Variants in KANK1 observed in about 807,000 individuals in gnomAD.
KANK1 encodes KN motif and ankyrin repeat domain-containing protein 1.
In KANK1, 109 loss-of-function variants were observed where a neutral mutation model predicts 106.2. That is an observed-to-expected ratio of 1.03 (90% CI 0.88 to 1.20). The LOEUF (loss-of-function observed/expected upper bound fraction) is 1.20, where lower values mean the gene tolerates loss of function less well. Ranked by LOEUF, KANK1 falls within the 50% of genes most tolerant of loss-of-function variation. KANK1 has a pLI of 0.00. For synonymous variants in KANK1, 873 were observed against 652.2 expected (o/e 1.34, Z -5.16); for missense variants, 2,399 against 1,710.7 (o/e 1.40, Z -7.10).
At chr9:579,912 G>A (rs755871996) in intron 1 of KANK1, among the ~76,000 whole-genome samples, 18 of 152,268 alleles carry the variant, frequency 1.2e-4, no homozygotes, top group Admixed American at 3.3e-4. Context: ...TTTCTAATAT[G>A]ACTCCACCCC....
At chr9:555,619 C>G (rs952751257) in intron 1 of KANK1, among the ~76,000 whole-genome samples, 2 of 152,170 alleles carry the variant, frequency 1.3e-5, no homozygotes, top group African/African-American at 4.8e-5. Flanking sequence ...GCTGAAATAA[C>G]TGTAAAAGCG....
intron 1 of KANK1, among the ~76,000 whole-genome samples, chr9:533,754 G>A (rs2060170373): frequency 6.6e-6 from 1 of 152,180 alleles, no homozygotes; most frequent in Non-Finnish European, 1.5e-5. Flanking sequence ...AAGGTCATGG[G>A]AGCTTTGAAC....
intron 1 of KANK1, among the ~76,000 whole-genome samples, chr9:641,840 A>G (rs947389134): frequency 1.3e-5 from 2 of 152,234 alleles, no homozygotes; most frequent in Admixed American, 6.5e-5. Context: ...TTCACAAACC[A>G]TGCAGTCCAC....
At chr9:649,002 G>C (rs1202232956) in intron 1 of KANK1, among the ~76,000 whole-genome samples, 2 of 152,144 alleles carry the variant, frequency 1.3e-5, no homozygotes, top group East Asian at 1.9e-4. Context: ...TTTATACTAA[G>C]TGGCGATGAC....
At chr9:744,886 T>C (rs1252596984) in intron 11 of KANK1, 12 of 1,411,756 alleles carry the variant, frequency 8.5e-6, no homozygotes, top group Non-Finnish European at 1.0e-5. Flanking sequence ...CATGGGGATA[T>C]TTCGCCATGG....
At position 710,976 on chromosome 9, in the gene KANK1, C is replaced by T. The variant is rs147112435; in HGVS notation, c.210C>T (p.Ser70=). ...RLNIQKRRKP[S]VPCPEPRTTS... ...ACATCCAGAAGAGGCGGAAGCCGTC[C>T]GTGCCATGCCCAGAACCCAGGACCA... The change falls in exon 3 of 12, where the codon TCC becomes TCT. Residue 70 remains serine (S), a synonymous_variant. Coordinates refer to ENST00000382297, the MANE Select transcript of KANK1 (RefSeq NM_015158.5). 6.2e-6 allele frequency: 10 copies of T among 1,614,154 alleles called. No individual in the cohort carries two copies. In the Admixed American group the frequency reaches 6.7e-5, roughly 11 times the overall value.
chr9:742,282 T>A lies in KANK1; in HGVS notation c.3774T>A (p.Ala1258=). 6.2e-7 allele frequency: 1 copy of A among 1,614,218 alleles called. No homozygotes were observed. Among genetic ancestry groups the A allele is most frequent in the Non-Finnish European group, 8.5e-7 (1 of 1,180,034 alleles). Residue 1258 remains alanine, a synonymous_variant, in exon 10 of 12, where the codon GCT becomes GCA. Coordinates refer to ENST00000382297, the MANE Select transcript of KANK1 (RefSeq NM_015158.5). ...DMVKGLLACG[A]DVNIQDDEGS... ...TGAAGGGCCTTCTGGCCTGTGGGGC[T>A]GATGTCAACATCCAGGATGACGAGG... is the stretch of plus-strand genomic sequence containing the variant.
At chr9:621,146 T>C (rs1040171571) in intron 1 of KANK1, among the ~76,000 whole-genome samples, 4 of 152,196 alleles carry the variant, frequency 2.6e-5, no homozygotes, top group African/African-American at 9.7e-5. Flanking sequence ...GAACCTAATA[T>C]ATTTAGCTAA....
intron 3 of KANK1, among the ~76,000 whole-genome samples, chr9:727,144 C>T (rs565616844): frequency 2.0e-4 from 31 of 152,264 alleles, no homozygotes; most frequent in Non-Finnish European, 3.5e-4. Flanking sequence ...TTCTTACAAG[C>T]AGACTGTCTG....
chr9:713,137 ACAGC>A lies in KANK1; in HGVS notation c.2376_2379del (p.Ser793GlufsTer11). On this transcript the variant is annotated frameshift_variant, in exon 3 of 12. Coordinates refer to ENST00000382297, the MANE Select transcript of KANK1 (RefSeq NM_015158.5). LOFTEE classifies it high-confidence loss of function. ...GCCACCACAGTTGACTGTGGGGCTG[ACAGC>A]CAGCAGAAGGAGCGTGGGGGTTGGG... is the stretch of plus-strand genomic sequence containing the variant. 1 of 1,598,076 alleles carries A rather than the reference ACAGC, an allele frequency of 6.3e-7. No individual in the cohort carries two copies. Among genetic ancestry groups the A allele is most frequent in the Non-Finnish European group, 8.5e-7 (1 of 1,170,104 alleles).
intron 1 of KANK1, among the ~76,000 whole-genome samples, chr9:607,653 A>G (rs937714271): frequency 2.0e-5 from 3 of 151,688 alleles, no homozygotes; most frequent in Admixed American, 2.0e-4. Context: ...CAGGACGGCT[A>G]GCCTTGTTCT....
At chr9:740,502 C>G (rs1285582777) in intron 8 of KANK1, among the ~76,000 whole-genome samples, 1 of 152,236 alleles carries the variant, frequency 6.6e-6, no homozygotes, top group African/African-American at 2.4e-5. Context: ...AGTAGAACAA[C>G]CACCCTGACT....
At chr9:533,421 A>G (rs2060153495) in intron 1 of KANK1, among the ~76,000 whole-genome samples, 2 of 152,166 alleles carry the variant, frequency 1.3e-5, no homozygotes, top group South Asian at 4.1e-4. Context: ...TTTGTGGGGG[A>G]CAGATGAGGT....
intron 1 of KANK1, among the ~76,000 whole-genome samples, chr9:573,601 T>C (rs894703370): frequency 6.6e-6 from 1 of 151,970 alleles, no homozygotes; most frequent in African/African-American, 2.4e-5. Flanking sequence ...AGAAGTAATA[T>C]AAGTCGGTAT....
intron 1 of KANK1, among the ~76,000 whole-genome samples, chr9:621,464 C>A (rs554292621): frequency 1.6e-4 from 24 of 152,114 alleles, no homozygotes; most frequent in African/African-American, 5.8e-4. Context: ...ACAGGGATTT[C>A]TGATCAAGTG....
intron 1 of KANK1, among the ~76,000 whole-genome samples, chr9:574,030 G>A (rs1819895316): frequency 6.6e-6 from 1 of 152,266 alleles, no homozygotes; most frequent in Non-Finnish European, 1.5e-5. Flanking sequence ...CTTCCAAGAA[G>A]TTTGCCAGGG....
chr9:690,331 C>T (rs564872795), intron 2 of KANK1, among the ~76,000 whole-genome samples: 20 of 144,990 alleles, frequency 1.4e-4, no homozygotes, highest in African/African-American at 5.1e-4. Context: ...AAAAAAAAGG[C>T]TACAAGAGAG....
intron 1 of KANK1, among the ~76,000 whole-genome samples, chr9:633,413 G>C (rs970121497): frequency 1.3e-5 from 2 of 152,056 alleles, no homozygotes; most frequent in African/African-American, 4.8e-5. Flanking sequence ...AGCCGTGATC[G>C]CGCCCCTGCA....
chr9:487,773 G>A (rs1168476398), intron 3 of KANK1: 2 of 152,180 alleles, frequency 1.3e-5, no homozygotes, highest in African/African-American at 2.4e-5. Context: ...AATTATTCTA[G>A]GCATGTCTGC....
Sources: gnomAD v4.1 joint callset for allele counts (sites outside exome capture counted in the v4.1 genomes callset) on GRCh38, gnomAD v4.1.1 for gene constraint, MANE v1.5 for transcripts, NCBI Gene and HGNC (gene_info 2026-07-23, HGNC 2026-07-21) for gene names.